TENM4: variants seen among roughly 807,000 people sequenced by gnomAD.
TENM4 encodes the protein teneurin-4.
In TENM4, 82 loss-of-function variants were observed where a neutral mutation model predicts 243.3. The observed-to-expected ratio is 0.34, with a 90% CI of 0.28 to 0.40. The LOEUF is 0.40. Among genes scored for constraint, TENM4 ranks in the 10% least tolerant of loss-of-function variants. The pLI, the probability that TENM4 is intolerant of heterozygous loss-of-function variation, is 1.00. For synonymous variants in TENM4, 1,412 were observed against 1,456.3 expected, an observed-to-expected ratio of 0.97 and a Z score of 0.69; for missense variants, 3,138 against 3,673.3, an observed-to-expected ratio of 0.85 and a Z score of 3.77.
chr11:79,203,433 C>T (rs1227448267), intron 3 of TENM4, among the ~76,000 whole-genome samples: 1 of 152,198 alleles, frequency 6.6e-6, no homozygotes, highest in African/African-American at 2.4e-5. Context: ...AGTTTTCTCC[C>T]TTTATCCACA....
intron 6 of TENM4, among the ~76,000 whole-genome samples, chr11:79,055,846 G>A (rs1859929805): frequency 6.6e-6 from 1 of 152,174 alleles, no homozygotes; most frequent in African/African-American, 2.4e-5. Context: ...CTCACTGTCT[G>A]AGATTCCACT....
intron 6 of TENM4, among the ~76,000 whole-genome samples, chr11:78,938,429 A>G (rs1479727349): frequency 6.6e-6 from 1 of 152,304 alleles, no homozygotes; most frequent in Non-Finnish European, 1.5e-5. Context: ...GAACACGTCC[A>G]TGTTTGATTC....
At chr11:79,080,400 G>T (rs923888062) in intron 4 of TENM4, among the ~76,000 whole-genome samples, 1 of 152,250 alleles carries the variant, frequency 6.6e-6, no homozygotes, top group African/African-American at 2.4e-5. Context: ...GGGGTAGGGG[G>T]GCACTGCATC....
At chr11:78,688,341 G>T in intron 28 of TENM4, 115 bp from the exon 29 acceptor site, 1 of 1,172,428 alleles carries the variant, frequency 8.5e-7, no homozygotes, top group Non-Finnish European at 1.2e-6. Flanking sequence ...TTTCTGGCTG[G>T]ATACATTCCC....
At chr11:79,435,605 G>A (rs1283755056) in intron 1 of TENM4, among the ~76,000 whole-genome samples, 1 of 152,164 alleles carries the variant, frequency 6.6e-6, no homozygotes, top group Admixed American at 6.5e-5. Flanking sequence ...TAATGGATGT[G>A]GGAGAAGTTA....
intron 4 of TENM4, among the ~76,000 whole-genome samples, chr11:79,134,726 A>G (rs751874519): frequency 2.6e-5 from 4 of 152,140 alleles, no homozygotes; most frequent in Non-Finnish European, 5.9e-5. Flanking sequence ...CGACAAAGCA[A>G]ACAAATATAA....
At chr11:78,738,685 TA>T in intron 19 of TENM4, 115 bp from the exon 20 acceptor site, 1 of 1,048,012 alleles carries the variant, frequency 9.5e-7, no homozygotes, top group Non-Finnish European at 1.4e-6. Context: ...ACACATCTTG[TA>T]CCCAGGGGTT....
chr11:78,945,231 A>G lies in TENM4; in HGVS notation c.494-41708T>C, dbSNP rs561825302. On this transcript the variant is annotated intron_variant, in intron 6 of 33. Coordinates refer to ENST00000278550, the MANE Select transcript of TENM4 (RefSeq NM_001098816.3). ...GCAAGCCCATTGGTGCCATTTTTCC[A>G]ACAGCACATGCCCACCTCATGTTTC... Among the ~76,000 whole-genome samples the G allele has an allele frequency of 2.6e-5, 4 of 152,328 alleles. No homozygotes were observed. In the East Asian group the frequency reaches 7.7e-4, roughly 29 times the overall value.
intron 32 of TENM4, 40 bp downstream of exon 32, chr11:78,668,897 C>G (rs1316919169): frequency 6.3e-7 from 1 of 1,576,982 alleles, no homozygotes; most frequent in African/African-American, 1.4e-5. Flanking sequence ...AGTAAGAGCA[C>G]TTTATGGGGT....
intron 2 of TENM4, among the ~76,000 whole-genome samples, chr11:79,252,528 C>A (rs932082159): frequency 6.6e-6 from 1 of 152,178 alleles, no homozygotes; most frequent in Non-Finnish European, 1.5e-5. Context: ...TGAGCCACTG[C>A]GCCTGGCTGA....
At chr11:78,725,679 C>G (rs1379977957) in intron 23 of TENM4, among the ~76,000 whole-genome samples, 1 of 152,218 alleles carries the variant, frequency 6.6e-6, no homozygotes, top group Non-Finnish European at 1.5e-5. Flanking sequence ...ATACACAGGG[C>G]TAATCCTATA....
At chr11:79,167,297 T>C (rs1862936135) in intron 3 of TENM4, among the ~76,000 whole-genome samples, 1 of 151,776 alleles carries the variant, frequency 6.6e-6, no homozygotes, top group Non-Finnish European at 1.5e-5. Flanking sequence ...GTGACAGGAG[T>C]TCAACCTTTA....
At chr11:79,277,272 T>C (rs184676887) in intron 2 of TENM4, among the ~76,000 whole-genome samples, 2 of 152,314 alleles carry the variant, frequency 1.3e-5, no homozygotes, top group East Asian at 3.9e-4. Context: ...TTCTGGTTAA[T>C]TGAATTTGTC....
intron 3 of TENM4, among the ~76,000 whole-genome samples, chr11:79,158,830 A>G (rs1035507318): frequency 1.3e-5 from 2 of 152,178 alleles, no homozygotes; most frequent in African/African-American, 4.8e-5. Flanking sequence ...TGGAGTTTCA[A>G]TGGCCACCAG....
chr11:78,774,186 C>T (rs1856697394), intron 17 of TENM4, among the ~76,000 whole-genome samples: 2 of 152,112 alleles, frequency 1.3e-5, no homozygotes, highest in African/African-American at 4.8e-5. Context: ...CAGTGGGTAA[C>T]ATACATAGGG....
intron 4 of TENM4, among the ~76,000 whole-genome samples, chr11:79,103,849 T>G (rs1424898902): frequency 6.6e-6 from 1 of 152,232 alleles, no homozygotes; most frequent in Non-Finnish European, 1.5e-5. Context: ...AACTGCTATC[T>G]GATTGGGCCT....
intron 1 of TENM4, among the ~76,000 whole-genome samples, chr11:79,430,274 G>C (rs193082346): frequency 6.6e-6 from 1 of 152,186 alleles, no homozygotes; most frequent in African/African-American, 2.4e-5. Context: ...GCTGGGAAAT[G>C]TTGAGGGGTT....
chr11:79,421,132 C>A lies in TENM4; in HGVS notation c.-321+19377G>T, dbSNP rs146030820. Among the ~76,000 whole-genome samples the A allele has an allele frequency of 2.0e-5, 3 of 152,212 alleles. No homozygotes were observed. The East Asian group carries it at 5.8e-4, about 29-fold the overall frequency. On this transcript the variant is annotated intron_variant, in intron 1 of 33. Transcript: ENST00000278550. ...TTGCAAAATCACAAGTAGAGGCATT[C>A]GAAAGCACACTGGTCAATTTTTGCA...
rs1857369432 is a variant in TENM4, at chr11:78,805,396, G to C, written c.2075C>G (p.Pro692Arg). Residue 692 changes from proline (P) to arginine (R), a missense_variant, in exon 15 of 34, where the codon CCC becomes CGC. This residue lies in a region of TENM4 where 2,467 missense variants were observed against 3,059.1 expected (regional missense o/e 0.81). Coordinates refer to ENST00000278550, the MANE Select transcript of TENM4 (RefSeq NM_001098816.3). ...VGWGGTNCETPRATCLDQCSG... is the reference protein window; with the variant it reads ...VGWGGTNCETRRATCLDQCSG... ...ACACTGGTCTAAGCATGTGGCCCTG[G>C]GGGTCTCGCAGTTGGTGCCTCCCCA... The C allele has an allele frequency of 1.2e-6, 2 of 1,600,918 alleles. No individual in the cohort carries two copies. The highest frequency in any genetic ancestry group is 1.4e-5 in the African/African-American group (1 of 72,576).
Sources: gnomAD v4.1 joint callset for allele counts (sites outside exome capture counted in the v4.1 genomes callset) on GRCh38, gnomAD v4.1.1 for gene constraint, gnomAD v4.1.1 regional missense constraint, MANE v1.5 for transcripts, NCBI Gene and HGNC (gene_info 2026-07-23, HGNC 2026-07-21) for gene names.